Variants in TJP1 observed in about 807,000 individuals in gnomAD.
TJP1 encodes tight junction protein ZO-1.
Under a neutral mutation model 194.2 loss-of-function variants are expected in TJP1, and 43 were observed. The ratio of observed to expected loss-of-function variants is 0.22; its 90% CI spans 0.17 to 0.29. The LOEUF (loss-of-function observed/expected upper bound fraction) is 0.29, where lower values mean the gene tolerates loss of function less well. Ranked by LOEUF, TJP1 falls within the 10% of genes least tolerant of loss-of-function variation. The pLI is 1.00. For missense variants in TJP1, 1,971 were observed against 2,185.7 expected (o/e 0.90, Z 1.96); for synonymous variants, 801 against 779.0 (o/e 1.03, Z -0.47).
At chr15:29,905,684 A>T (rs1357600661) in intron 2 of TJP1, among the ~76,000 whole-genome samples, 2 of 152,266 alleles carry the variant, frequency 1.3e-5, no homozygotes, top group Non-Finnish European at 2.9e-5. Context: ...ATTATTTAGC[A>T]ATACAAAGAA....
chr15:29,727,649 A>G (rs914324222), intron 16 of TJP1, among the ~76,000 whole-genome samples: 3 of 152,226 alleles, frequency 2.0e-5, no homozygotes, highest in Non-Finnish European at 4.4e-5. Context: ...ATGAATGTAA[A>G]TAACAAACTA....
At position 29,720,030 on chromosome 15, in the gene TJP1, A is replaced by T. The variant is rs923923916; in HGVS notation, c.2764-14T>A. On this transcript the variant is annotated splice_polypyrimidine_tract_variant and intron_variant, in intron 19 of 27. Coordinates refer to ENST00000614355, the MANE Select transcript of TJP1 (RefSeq NM_001330239.4). ...AGCTTCTGCTTTCTGTGAAGTGTTT[A>T]AAATATTTTAAATATAGTGTTTCTG... is the stretch of plus-strand genomic sequence containing the variant. 9 of 1,581,322 alleles carry T rather than the reference A, an allele frequency of 5.7e-6. No homozygotes were observed. The highest frequency in any genetic ancestry group is 6.8e-6 in the Non-Finnish European group (8 of 1,167,886).
chr15:29,840,524 G>A (rs1266386991), intron 2 of TJP1, among the ~76,000 whole-genome samples: 1 of 152,192 alleles, frequency 6.6e-6, no homozygotes, highest in Admixed American at 6.5e-5. Flanking sequence ...TCCCGTGAGA[G>A]AAATGCTCCA....
intron 2 of TJP1, among the ~76,000 whole-genome samples, chr15:29,932,306 A>C (rs958145552): frequency 4.6e-5 from 7 of 152,174 alleles, no homozygotes; most frequent in African/African-American, 1.7e-4. Flanking sequence ...GACCAAGGGA[A>C]AATAAGAGAG....
intron 2 of TJP1, among the ~76,000 whole-genome samples, chr15:29,861,268 C>G (rs988822648): frequency 6.6e-6 from 1 of 152,222 alleles, no homozygotes; most frequent in African/African-American, 2.4e-5. Flanking sequence ...CCCACCAGCA[C>G]GCATGAGGGT....
At chr15:29,882,482 A>C (rs985171106) in intron 2 of TJP1, among the ~76,000 whole-genome samples, 3 of 152,200 alleles carry the variant, frequency 2.0e-5, no homozygotes, top group South Asian at 2.1e-4. Context: ...TAGGCAAACA[A>C]ATCATTCAAT....
chr15:29,703,720 G>A (rs543940956), intron 27 of TJP1, among the ~76,000 whole-genome samples: 133 of 152,052 alleles, frequency 8.7e-4, no homozygotes, highest in African/African-American at 3.1e-3. Context: ...TTGGCTCACT[G>A]CAATCTCCGC....
intron 19 of TJP1, 166 bp downstream of exon 19, chr15:29,720,192 C>G (rs1837281969): frequency 1.8e-6 from 2 of 1,109,662 alleles, no homozygotes; most frequent in African/African-American, 3.2e-5. Flanking sequence ...TGTGTTAAGA[C>G]AAACACACAA....
chr15:29,790,314 T>C (rs935654187), intron 2 of TJP1, among the ~76,000 whole-genome samples: 2 of 152,222 alleles, frequency 1.3e-5, no homozygotes, highest in African/African-American at 2.4e-5. Context: ...CCTCAGAGAA[T>C]GAAGTCAATT....
intron 2 of TJP1, among the ~76,000 whole-genome samples, chr15:29,950,318 T>A (rs568216601): frequency 6.4e-5 from 9 of 140,458 alleles, no homozygotes; most frequent in Admixed American, 2.8e-4. Flanking sequence ...CACCACCTCC[T>A]TCACCACCAC....
intron 2 of TJP1, among the ~76,000 whole-genome samples, chr15:29,913,701 C>A (rs1315364692): frequency 6.6e-6 from 1 of 151,936 alleles, no homozygotes. Context: ...AAGATGACAA[C>A]AAAGTTTCTA....
chr15:29,949,610 TTCACCACCAC>T (rs2055527301), intron 2 of TJP1, among the ~76,000 whole-genome samples: 1 of 22,926 alleles, frequency 4.4e-5, no homozygotes, highest in African/African-American at 1.6e-4. Flanking sequence ...CACCTCCACC[TTCACCACCAC>T]CACCTCCACC....
At chr15:29,737,644 ATTT>A (rs1326263217) in intron 10 of TJP1, among the ~76,000 whole-genome samples, 1 of 152,184 alleles carries the variant, frequency 6.6e-6, no homozygotes, top group Non-Finnish European at 1.5e-5. Flanking sequence ...TGCAAGTACT[ATTT>A]TACATAACTA....
At chr15:29,878,196 C>A (rs1002144363) in intron 2 of TJP1, among the ~76,000 whole-genome samples, 3 of 152,102 alleles carry the variant, frequency 2.0e-5, no homozygotes, top group Non-Finnish European at 4.4e-5. Context: ...ACTACAGGCG[C>A]CCGCTACCAT....
chr15:29,938,912 A>T (rs964208078), intron 2 of TJP1, among the ~76,000 whole-genome samples: 1 of 152,234 alleles, frequency 6.6e-6, no homozygotes, highest in Non-Finnish European at 1.5e-5. Context: ...TGTGGCTGAA[A>T]GTCTTGCACA....
chr15:29,812,656 T>G (rs2049606443), intron 1 of TJP1, among the ~76,000 whole-genome samples: 2 of 152,210 alleles, frequency 1.3e-5, no homozygotes. Flanking sequence ...AATGTATGAC[T>G]TATAGAACAT....
chr15:29,734,437 CATA>C, intron 11 of TJP1, 55 bp from the exon 12 acceptor site: 1 of 1,291,070 alleles, frequency 7.7e-7, no homozygotes, highest in Non-Finnish European at 1.1e-6. Context: ...ATGAAAATAA[CATA>C]CGCAGGACAC....
At chr15:29,949,611 T>A (rs1017066602) in intron 2 of TJP1, among the ~76,000 whole-genome samples, 1 of 22,626 alleles carries the variant, frequency 4.4e-5, no homozygotes, top group East Asian at 1.5e-3. Flanking sequence ...ACCTCCACCT[T>A]CACCACCACC....
Position 29,864,237 on chromosome 15 carries a change from C to CAAAAAAAAAAA in TJP1, c.307-63546_307-63536dup, listed in dbSNP as rs397975539. 6.3e-3 allele frequency among the ~76,000 whole-genome samples: 119 copies of CAAAAAAAAAAA among 18,942 alleles called. 22 individuals carry two copies. Among genetic ancestry groups the CAAAAAAAAAAA allele is most frequent in the East Asian group, 0.017 (7 of 408 alleles). The allele number at this position is 18,942 out of a possible 152,430, so 12.4% of individuals were successfully genotyped here. ...TGAAACCCCGTCTCTACTAAAAATA[C>CAAAAAAAAAAA]AAAAAAAAAAAAAAAAAAAAAAAAA... On this transcript the variant is annotated intron_variant, in intron 2 of 28. Transcript: ENST00000356107.
Sources: allele counts gnomAD v4.1 joint callset (sites outside exome capture counted in the v4.1 genomes callset), GRCh38; gene constraint gnomAD v4.1.1; transcripts MANE v1.5; gene names NCBI Gene and HGNC (gene_info 2026-07-23, HGNC 2026-07-21).